The following PRKCA variants were observed in gnomAD, a reference collection of about 807,000 sequenced individuals.
PRKCA encodes protein kinase C alpha, also known as protein kinase C alpha type.
A neutral mutation model predicts 87.0 loss-of-function variants in PRKCA; 27 were observed. The observed-to-expected ratio is 0.31, with a 90% CI of 0.23 to 0.43. The LOEUF (loss-of-function observed/expected upper bound fraction) is 0.43. Ranked by LOEUF, PRKCA falls within the 20% of genes least tolerant of loss-of-function variation. PRKCA has a pLI of 1.00. For missense variants in PRKCA, 518 were observed against 852.3 expected, an observed-to-expected ratio of 0.61 and a Z score of 4.88; for synonymous variants, 329 against 311.1, an observed-to-expected ratio of 1.06 and a Z score of -0.61.
chr17:66,770,824 G>T (rs1469299395), intron 13 of PRKCA, among the ~76,000 whole-genome samples: 18 of 152,166 alleles, frequency 1.2e-4, no homozygotes, highest in Admixed American at 1.2e-3. Flanking sequence ...TAGGTCTCTT[G>T]GTGAAGGCGA....
intron 3 of PRKCA, among the ~76,000 whole-genome samples, chr17:66,561,801 C>T (rs1450877610): frequency 3.3e-5 from 5 of 151,804 alleles, no homozygotes; most frequent in African/African-American, 7.3e-5. Context: ...ATGAAAAAGC[C>T]ATTCAAAAAA....
intron 2 of PRKCA, among the ~76,000 whole-genome samples, chr17:66,452,100 G>T (rs952582215): frequency 6.6e-6 from 1 of 152,140 alleles, no homozygotes; most frequent in Non-Finnish European, 1.5e-5. Flanking sequence ...AGCAGGGTGC[G>T]TCCAAGCTGA....
intron 2 of PRKCA, among the ~76,000 whole-genome samples, chr17:66,481,353 T>C (rs1378237910): frequency 6.6e-6 from 1 of 152,156 alleles, no homozygotes; most frequent in African/African-American, 2.4e-5. Flanking sequence ...AACCGAGTAC[T>C]CCCTATCCAC....
chr17:66,688,421 T>C lies in PRKCA; in HGVS notation c.806T>C (p.Met269Thr). 2 of 1,614,182 alleles carry C rather than the reference T, an allele frequency of 1.2e-6. No homozygotes were observed. Among genetic ancestry groups the C allele is most frequent in the Non-Finnish European group, 1.7e-6 (2 of 1,180,030 alleles). The change falls in exon 7 of 17, where the codon ATG becomes ACG. Residue 269 changes from methionine to threonine, a missense_variant. By Grantham distance (81) the Met-to-Thr change is moderately conservative (BLOSUM62 -1). Transcript: ENST00000413366. ...TTTGGAGTTTCGGAGCTGATGAAGA[T>C]GCCGGCCAGTGGATGGTATGGAAGC... Reference protein sequence around the residue: ...LSFGVSELMKMPASGWYKLLN... With the variant: ...LSFGVSELMKTPASGWYKLLN...
intron 2 of PRKCA, among the ~76,000 whole-genome samples, chr17:66,492,325 A>G (rs1916282705): frequency 6.6e-6 from 1 of 152,172 alleles, no homozygotes; most frequent in African/African-American, 2.4e-5. Flanking sequence ...TCTTCTTAGG[A>G]TAACATTCGG....
At chr17:66,659,088 G>C (rs974537220) in intron 5 of PRKCA, among the ~76,000 whole-genome samples, 4 of 152,078 alleles carry the variant, frequency 2.6e-5, no homozygotes, top group African/African-American at 7.2e-5. Flanking sequence ...TCAGATTAAG[G>C]CACTTGAACT....
At chr17:66,575,682 A>G (rs138197398) in intron 3 of PRKCA, among the ~76,000 whole-genome samples, 1,710 of 152,326 alleles carry the variant, frequency 0.011, 25 homozygotes, top group South Asian at 0.02. Context: ...ACATACAGGG[A>G]TTACTTGGAA....
intron 2 of PRKCA, among the ~76,000 whole-genome samples, chr17:66,482,131 AAAAG>A (rs1915815204): frequency 6.6e-6 from 1 of 151,776 alleles, no homozygotes; most frequent in African/African-American, 2.4e-5. Context: ...AAAAAGAAAA[AAAAG>A]AAAGTGGATC....
Position 66,794,708 on chromosome 17 carries a change from C to T in PRKCA, c.1854+5729C>T, listed in dbSNP as rs143567382. Among the ~76,000 whole-genome samples, 250 of 151,262 alleles carry T rather than the reference C, an allele frequency of 1.7e-3. 1 individual carries two copies. Among genetic ancestry groups the T allele is most frequent in the African/African-American group, 5.8e-3 (241 of 41,248 alleles). Reference sequence around the variant, plus strand: ...CGATATCAGCTCACTGCAACCTCCACCTCCCAGGTTCAAGCAATTCTCCTG... The same window carrying T: ...CGATATCAGCTCACTGCAACCTCCATCTCCCAGGTTCAAGCAATTCTCCTG... On this transcript the variant is annotated intron_variant, in intron 16 of 16. Coordinates refer to ENST00000413366, the MANE Select transcript of PRKCA (RefSeq NM_002737.3).
chr17:66,744,246 C>T (rs750822356), intron 13 of PRKCA, among the ~76,000 whole-genome samples: 2 of 152,120 alleles, frequency 1.3e-5, no homozygotes, highest in African/African-American at 4.8e-5. Flanking sequence ...TTAGTACCTA[C>T]AGACATGAGG....
At chr17:66,567,556 C>A (rs1968939441) in intron 3 of PRKCA, among the ~76,000 whole-genome samples, 2 of 152,170 alleles carry the variant, frequency 1.3e-5, no homozygotes, top group Admixed American at 1.3e-4. Context: ...GAAAAATGGA[C>A]CCAGCAGTTT....
intron 2 of PRKCA, among the ~76,000 whole-genome samples, chr17:66,389,502 G>GA: frequency 6.6e-6 from 1 of 152,300 alleles, no homozygotes; most frequent in Middle Eastern, 3.4e-3. Context: ...AGACTGTATT[G>GA]AAAAATATGC....
At chr17:66,698,149 CCTT>C (rs977403363) in intron 8 of PRKCA, among the ~76,000 whole-genome samples, 68 of 152,320 alleles carry the variant, frequency 4.5e-4, no homozygotes, top group African/African-American at 1.6e-3. Flanking sequence ...ATGACTGCCT[CCTT>C]CTTCAAATGT....
At chr17:66,554,099 G>C (rs1968423935) in intron 3 of PRKCA, among the ~76,000 whole-genome samples, 1 of 152,186 alleles carries the variant, frequency 6.6e-6, no homozygotes, top group Non-Finnish European at 1.5e-5. Context: ...GTGTTCAGAA[G>C]TGAGCCTGCC....
intron 8 of PRKCA, among the ~76,000 whole-genome samples, chr17:66,730,224 T>G (rs1437795501): frequency 1.3e-5 from 2 of 152,144 alleles, no homozygotes; most frequent in African/African-American, 4.8e-5. Flanking sequence ...CTGTTAGAGT[T>G]GGGAATCTAG....
In PRKCA at chr17:66,796,314, A is replaced by G. The variant is rs569027782; in HGVS notation, c.1854+7335A>G. 1.5e-5 allele frequency: 6 copies of G among 398,802 alleles called. No individual in the cohort carries two copies. The South Asian group carries it at 3.1e-4, about 21-fold the overall frequency. The allele number at this position is 398,802 out of a possible 1,614,324, so 24.7% of individuals were successfully genotyped here. A position where few individuals can be genotyped will look rare whatever the true frequency, so the allele number is the denominator to read the frequency against. Reference sequence around the variant, plus strand: ...CCTTGCGTCTTTCACGTAGCAATGTATCCGACAGGTGTTTCCGCATCAGCT... The same window carrying G: ...CCTTGCGTCTTTCACGTAGCAATGTGTCCGACAGGTGTTTCCGCATCAGCT... On this transcript the variant is annotated intron_variant, in intron 16 of 16. Transcript: ENST00000413366.
chr17:66,335,520 C>T (rs1415055756), intron 2 of PRKCA, among the ~76,000 whole-genome samples: 4 of 150,896 alleles, frequency 2.7e-5, no homozygotes, highest in Non-Finnish European at 5.9e-5. Context: ...ATGGTGTGAG[C>T]GTAGCTAATG....
chr17:66,629,064 G>A lies in PRKCA; in HGVS notation c.289-12291G>A, dbSNP rs1017007133. ...AAAAGAAAATAAAATTTATCTTAAC[G>A]TGGGTAAGAGGGGTTGCTGCTTGGG... On this transcript the variant is annotated intron_variant, in intron 3 of 16. Coordinates refer to ENST00000413366, the MANE Select transcript of PRKCA (RefSeq NM_002737.3). Among the ~76,000 whole-genome samples the A allele has an allele frequency of 3.9e-5, 6 of 152,242 alleles. No homozygotes were observed. In the East Asian group the frequency reaches 7.7e-4, roughly 20 times the overall value.
rs578099170 is a variant in PRKCA at position 66,637,523 on chromosome 17, C to T, written c.289-3832C>T. On this transcript the variant is annotated intron_variant, in intron 3 of 16. Coordinates refer to ENST00000413366, the MANE Select transcript of PRKCA (RefSeq NM_002737.3). ...GGAAGTCTAAGGCCATACTTCAGAC[C>T]GTGGACCCAACTACTGCTTTCTAGA... Among the ~76,000 whole-genome samples, 4 of 152,264 alleles carry T rather than the reference C, an allele frequency of 2.6e-5. No individual in the cohort carries two copies. The South Asian group carries it at 8.3e-4, about 32-fold the overall frequency.
Sources: gnomAD v4.1 joint callset for allele counts (sites outside exome capture counted in the v4.1 genomes callset) on GRCh38, gnomAD v4.1.1 for gene constraint, MANE v1.5 for transcripts, NCBI Gene and HGNC (gene_info 2026-07-23, HGNC 2026-07-21) for gene names.